The following C12orf76 variants were observed in gnomAD, a reference collection of about 807,000 sequenced individuals.
C12orf76 encodes uncharacterized protein C12orf76.
C12orf76 carries 6 observed loss-of-function variants against 6.8 expected under a neutral mutation model. That is an observed-to-expected ratio of 0.88 (90% confidence interval 0.48 to 1.73). C12orf76 has a LOEUF of 1.73. Among genes scored for constraint, C12orf76 ranks in the 40% most tolerant of loss-of-function variants. The pLI is 0.01. For synonymous variants in C12orf76, 56 were observed against 43.7 expected (o/e 1.28, Z -1.11); for missense variants, 99 against 98.2 (o/e 1.01, Z -0.03).
chr12:110,048,391 CG>C lies in C12orf76; in HGVS notation c.104del (p.Pro35ArgfsTer12). The C allele has an allele frequency of 2.6e-6, 4 of 1,515,066 alleles. No homozygotes were observed. The highest frequency in any genetic ancestry group is 3.5e-6 in the Non-Finnish European group (4 of 1,136,948). 93.9% of individuals were successfully genotyped at this position (1,515,066 alleles called of 1,614,324 possible). A position where few individuals can be genotyped will look rare whatever the true frequency, so the allele number is the denominator to read the frequency against. On this transcript the variant is annotated frameshift_variant, in exon 1 of 2. Coordinates refer to ENST00000615315, the MANE Select transcript of C12orf76 (RefSeq NM_001389625.1). LOFTEE classifies it high-confidence loss of function. ...GGTTCTGCCCTCGCAGCACCGCGTA[CG>C]GCCGGCTCCGCTCCAGCGGATCCAC... ...SPVDPLERSR[P>X]YAVLRGQNLV...
rs1483115608 is a variant in C12orf76, at chr12:110,065,936, C to G, written n.304G>C. The G allele has an allele frequency of 1.9e-6, 3 of 1,613,862 alleles. No individual in the cohort carries two copies. The East Asian group carries it at 6.7e-5, about 36-fold the overall frequency. ...TTTGCATTTACTGTTCTCTTGGTCC[C>G]GTGTATCACGTGGCTGGATTCTTCT... On this transcript the variant is annotated non_coding_transcript_exon_variant, in exon 2 of 5. Coordinates refer to the C12orf76 transcript ENST00000309050.
At chr12:110,060,214 G>A (rs77598642) in intron 2 of C12orf76, among the ~76,000 whole-genome samples, 2,573 of 152,156 alleles carry the variant, frequency 0.017, 35 homozygotes, top group South Asian at 0.054. Context: ...CAACAAGAGT[G>A]AAACTCTGTC....
upstream of C12orf76, among the ~76,000 whole-genome samples, chr12:110,072,325 G>A (rs541963002): frequency 3.0e-4 from 45 of 151,374 alleles, no homozygotes; most frequent in African/African-American, 9.7e-4. Context: ...GATGAGCACC[G>A]AAAACATGCT....
chr12:110,045,278 T>C (rs1474289815), intron 1 of C12orf76, among the ~76,000 whole-genome samples: 1 of 152,222 alleles, frequency 6.6e-6, no homozygotes, highest in Non-Finnish European at 1.5e-5. Flanking sequence ...ATCTCGCATT[T>C]TGGAAGAACT....
chr12:110,047,587 G>A (rs1892483021), intron 1 of C12orf76, among the ~76,000 whole-genome samples: 1 of 152,050 alleles, frequency 6.6e-6, no homozygotes, highest in African/African-American at 2.4e-5. Context: ...GGGATGCTGA[G>A]GTGGCAGGAT....
At chr12:110,043,709 G>T (rs1162882153) in intron 1 of C12orf76, among the ~76,000 whole-genome samples, 1 of 151,974 alleles carries the variant, frequency 6.6e-6, no homozygotes, top group Admixed American at 6.6e-5. Flanking sequence ...AAAAAAATTA[G>T]CCAGGTGTGG....
intron 1 of C12orf76, among the ~76,000 whole-genome samples, chr12:110,067,334 G>A (rs1344235399): frequency 6.6e-6 from 1 of 152,144 alleles, no homozygotes; most frequent in Non-Finnish European, 1.5e-5. Context: ...TGGGACTGAG[G>A]AAGGAACCAA....
At chr12:110,053,038 T>C (rs1017802795), upstream of C12orf76, among the ~76,000 whole-genome samples, 200 of 150,566 alleles carry the variant, frequency 1.3e-3, 3 homozygotes, top group Non-Finnish European at 1.5e-4. Context: ...CTGTCTCTAC[T>C]AAAAATAGGA....
At chr12:110,073,439 G>T in exon 1 of C12orf76, 1 of 522,980 alleles carries the variant, frequency 1.9e-6, no homozygotes, top group Non-Finnish European at 3.9e-6. Flanking sequence ...AGGAAAAGAC[G>T]ATCACGTGGA....
At chr12:110,051,419 C>T, upstream of C12orf76, 1 of 606,352 alleles carries the variant, frequency 1.6e-6, no homozygotes, top group South Asian at 2.0e-5. Flanking sequence ...AGGAAAGCTG[C>T]TGCCCCCAAT....
intron 2 of C12orf76, among the ~76,000 whole-genome samples, chr12:110,064,870 C>T (rs1196972838): frequency 6.6e-6 from 1 of 152,186 alleles, no homozygotes; most frequent in African/African-American, 2.4e-5. Context: ...GCGGTATCCC[C>T]AGTGGCCTGT....
intron 1 of C12orf76, chr12:110,042,744 G>C: frequency 1.6e-6 from 1 of 618,766 alleles, no homozygotes; most frequent in Non-Finnish European, 2.9e-6. Flanking sequence ...CAGTCAGGAA[G>C]CATCCGAGGA....
chr12:110,051,174 C>G (rs1287232985), upstream of C12orf76: 1 of 778,980 alleles, frequency 1.3e-6, no homozygotes, highest in Admixed American at 1.7e-5. Flanking sequence ...AGCTAAATGG[C>G]AGGCACAGGA....
upstream of C12orf76, among the ~76,000 whole-genome samples, chr12:110,070,918 A>G (rs1047265083): frequency 6.6e-6 from 1 of 152,068 alleles, no homozygotes; most frequent in Admixed American, 6.6e-5. Flanking sequence ...GGAATTATAG[A>G]CACACACTAC....
intron 2 of C12orf76, among the ~76,000 whole-genome samples, chr12:110,062,578 T>A (rs2077352637): frequency 6.6e-6 from 1 of 152,004 alleles, no homozygotes; most frequent in African/African-American, 2.4e-5. Context: ...TTATGATATG[T>A]AAGTTATACC....
upstream of C12orf76, chr12:110,048,706 C>G (rs1892519237): frequency 8.2e-7 from 1 of 1,221,666 alleles, no homozygotes; most frequent in African/African-American, 1.6e-5. Context: ...ACCAACTTTC[C>G]GTTCAGATCA....
At chr12:110,070,977 G>A (rs1344554812), upstream of C12orf76, among the ~76,000 whole-genome samples, 1 of 152,132 alleles carries the variant, frequency 6.6e-6, no homozygotes, top group Non-Finnish European at 1.5e-5. Flanking sequence ...GTTCCACCAT[G>A]TTGGCCAGGC....
At chr12:110,067,134 A>G (rs1452555454) in intron 1 of C12orf76, among the ~76,000 whole-genome samples, 1 of 152,226 alleles carries the variant, frequency 6.6e-6, no homozygotes, top group Non-Finnish European at 1.5e-5. Context: ...TCCTTTGCTT[A>G]CAATCTTCCC....
chr12:110,046,980 A>G (rs1210966281), intron 1 of C12orf76, among the ~76,000 whole-genome samples: 2 of 152,112 alleles, frequency 1.3e-5, no homozygotes, highest in Non-Finnish European at 2.9e-5. Context: ...CCCTGTTCTG[A>G]AGGATCGAGT....
Sources: gnomAD v4.1 joint callset for allele counts (sites outside exome capture counted in the v4.1 genomes callset) on GRCh38, gnomAD v4.1.1 for gene constraint, MANE v1.5 for transcripts, NCBI Gene and HGNC (gene_info 2026-07-23, HGNC 2026-07-21) for gene names.